The following CLASP1 variants were observed in gnomAD, a reference collection of about 807,000 sequenced individuals.
CLASP1 encodes the protein cytoplasmic linker associated protein 1.
CLASP1 carries 38 observed loss-of-function variants against 192.3 expected under a neutral mutation model. The ratio of observed to expected loss-of-function variants is 0.20; its 90% confidence interval spans 0.15 to 0.26. The LOEUF is 0.26. Among genes scored for constraint, CLASP1 ranks in the 10% least tolerant of loss-of-function variants. The pLI, the probability that CLASP1 is intolerant of heterozygous loss-of-function variation, is 1.00. For synonymous variants in CLASP1, 691 were observed against 712.8 expected (o/e 0.97, Z 0.49); for missense variants, 1,433 against 1,932.5 (o/e 0.74, Z 4.85).
intron 25 of CLASP1, among the ~76,000 whole-genome samples, chr2:121,406,917 A>G (rs1268466147): frequency 4.6e-5 from 7 of 152,054 alleles, no homozygotes; most frequent in Admixed American, 4.6e-4. Flanking sequence ...TTAATAAATT[A>G]TAGAATACTT....
Position 121,458,799 on chromosome 2 carries a change from T to TAC in CLASP1, c.1314+39_1314+40dup, listed in dbSNP as rs774333502. 2.0e-6 allele frequency: 3 copies of TAC among 1,470,830 alleles called. No homozygotes were observed. The Admixed American group carries it at 6.7e-5, about 33-fold the overall frequency. 91.1% of individuals were successfully genotyped at this position (1,470,830 alleles called of 1,614,324 possible). ...CTAATATTTATCAACCATCAGTATT[T>TAC]ACCACTTGCTTATTTCAAGCATGGC... On this transcript the variant is annotated intron_variant, in intron 13 of 39. Transcript: ENST00000263710.
chr2:121,366,344 G>C (rs933584177), intron 35 of CLASP1, among the ~76,000 whole-genome samples: 3 of 152,222 alleles, frequency 2.0e-5, no homozygotes, highest in Non-Finnish European at 4.4e-5. Context: ...TGTGTGGGCA[G>C]AGTCTGAGAT....
At chr2:121,456,727 G>C (rs543020469) in intron 14 of CLASP1, among the ~76,000 whole-genome samples, 5 of 152,090 alleles carry the variant, frequency 3.3e-5, no homozygotes, top group South Asian at 2.1e-4. Flanking sequence ...AACCCAGCAG[G>C]ATCAACAAGA....
chr2:121,435,608 G>C (rs58920576), intron 19 of CLASP1, among the ~76,000 whole-genome samples: 6,051 of 152,116 alleles, frequency 0.04, 163 homozygotes, highest in East Asian at 0.14. Context: ...CTTTTGTCTT[G>C]ATTTTTCATT....
intron 21 of CLASP1, among the ~76,000 whole-genome samples, chr2:121,427,003 T>G (rs1042686430): frequency 2.0e-5 from 3 of 151,810 alleles, no homozygotes; most frequent in African/African-American, 7.2e-5. Context: ...TAAATTTATA[T>G]GTGTGTTTAT....
intron 26 of CLASP1, chr2:121,402,675 AG>A (rs758260053): frequency 1.7e-5 from 9 of 518,732 alleles, no homozygotes; most frequent in African/African-American, 1.7e-4. Flanking sequence ...TAGGGGTGAC[AG>A]GTAACAGAAA....
chr2:121,615,916 T>C (rs896353722), intron 1 of CLASP1, among the ~76,000 whole-genome samples: 1 of 152,212 alleles, frequency 6.6e-6, no homozygotes, highest in Admixed American at 6.5e-5. Flanking sequence ...GCCCCAAAGT[T>C]TGTGTTCTTT....
intron 8 of CLASP1, among the ~76,000 whole-genome samples, chr2:121,486,448 C>A (rs962887185): frequency 3.3e-5 from 5 of 152,070 alleles, no homozygotes; most frequent in African/African-American, 1.2e-4. Context: ...ACCATATATC[C>A]TTTCATTGAT....
Position 121,605,940 on chromosome 2 carries a change from C to T in CLASP1, c.-45G>A. The T allele has an allele frequency of 1.3e-6, 2 of 1,564,260 alleles. No homozygotes were observed. Among genetic ancestry groups the T allele is most frequent in the South Asian group, 1.1e-5 (1 of 88,128 alleles). On this transcript the variant is annotated 5_prime_UTR_variant, in exon 2 of 40. It adds an upstream start codon to the 5' untranslated region. Coordinates refer to ENST00000263710, the Ensembl canonical transcript of CLASP1. Reference sequence around the variant, plus strand: ...TCCAGCAAAAGCTAGAGGGCAGTCACGATGACTCCCTCCCAGCAGACGTAT... The same window carrying T: ...TCCAGCAAAAGCTAGAGGGCAGTCATGATGACTCCCTCCCAGCAGACGTAT...
intron 2 of CLASP1, chr2:121,531,060 TAAAC>T: frequency 1.4e-6 from 1 of 696,316 alleles, no homozygotes; most frequent in Non-Finnish European, 2.6e-6. Flanking sequence ...AATTCGTAAA[TAAAC>T]TAGTACTTTG....
In CLASP1 at chr2:121,605,867, G is replaced by A. The variant is rs762154890; in HGVS notation, c.29C>T (p.Ala10Val). 23 of 1,613,776 alleles carry A rather than the reference G, an allele frequency of 1.4e-5. No individual in the cohort carries two copies. Among genetic ancestry groups the A allele is most frequent in the Admixed American group, 8.3e-5 (5 of 59,968 alleles). The change falls in exon 2 of 40, where the codon GCG becomes GTG. Residue 10 changes from alanine (A) to valine (V), a missense_variant. This residue lies in a region of CLASP1 where 282 missense variants were observed against 359.9 expected (regional missense o/e 0.78). Transcript: ENST00000263710. The stretch of plus-strand genomic sequence containing the variant: ...CCCCACATCCTTCTGCAACACCTGC[G>A]CCAGGCAGGACTCCATGCGAGGCTC...
chr2:121,619,198 A>AG (rs1461721968), intron 1 of CLASP1, among the ~76,000 whole-genome samples: 2 of 152,238 alleles, frequency 1.3e-5, no homozygotes, highest in Non-Finnish European at 1.5e-5. Flanking sequence ...TTAAAAAGGC[A>AG]GGTCACCTGA....
chr2:121,449,476 A>G (rs1218506633), intron 16 of CLASP1, among the ~76,000 whole-genome samples: 1 of 152,192 alleles, frequency 6.6e-6, no homozygotes, highest in Non-Finnish European at 1.5e-5. Flanking sequence ...GCTATTATAC[A>G]TGCAATTTTA....
chr2:121,555,101 C>T (rs910473092), intron 2 of CLASP1, among the ~76,000 whole-genome samples: 4 of 152,190 alleles, frequency 2.6e-5, no homozygotes, highest in Non-Finnish European at 5.9e-5. Context: ...GACCCAGAGT[C>T]CTAATGGAGT....
chr2:121,495,112 G>A (rs897731391), intron 8 of CLASP1, among the ~76,000 whole-genome samples: 54 of 151,852 alleles, frequency 3.6e-4, no homozygotes, highest in African/African-American at 1.2e-3. Context: ...CACAAGGTCA[G>A]GAGATAGAGA....
rs181294523 is a variant in CLASP1 at position 121,560,798 on chromosome 2, G to A, written c.196-30473C>T. Among the ~76,000 whole-genome samples, 326 of 152,326 alleles carry A rather than the reference G, an allele frequency of 2.1e-3. 1 individual carries two copies. Among genetic ancestry groups the A allele is most frequent in the African/African-American group, 7.1e-3 (297 of 41,566 alleles). ...CGCCCAAGCTAGAGTGCAGTGGCGCGATCTCAGCTCACCACAACCTCTGCC... is the reference window on the plus strand; with the variant it reads ...CGCCCAAGCTAGAGTGCAGTGGCGCAATCTCAGCTCACCACAACCTCTGCC... On this transcript the variant is annotated intron_variant, in intron 2 of 39. Coordinates refer to ENST00000263710, the Ensembl canonical transcript of CLASP1.
chr2:121,473,878 A>G (rs537097643), intron 8 of CLASP1, among the ~76,000 whole-genome samples: 150 of 152,016 alleles, frequency 9.9e-4, no homozygotes, highest in Non-Finnish European at 1.7e-3. Flanking sequence ...GAATAAAGGC[A>G]AAATAAAAAC....
chr2:121,396,971 C>A (rs772383132), intron 30 of CLASP1, among the ~76,000 whole-genome samples, 169 bp downstream of exon 31: 43 of 152,304 alleles, frequency 2.8e-4, no homozygotes, highest in Non-Finnish European at 3.5e-4. Context: ...TTCAGATTTT[C>A]ATTTTTATAT....
In CLASP1 at chr2:121,471,561, T is replaced by C. The variant is rs751701505; in HGVS notation, c.713-1601A>G. ...TCCTGTTTTCCTTGATCTAGTTGCT[T>C]CTTAAGCTAAATTATCAACAGCCAA... On this transcript the variant is annotated intron_variant, in intron 8 of 39. Coordinates refer to ENST00000263710, the Ensembl canonical transcript of CLASP1. 4.7e-4 allele frequency among the ~76,000 whole-genome samples: 71 copies of C among 152,134 alleles called. No homozygotes were observed. The Middle Eastern group carries it at 0.014, about 29-fold the overall frequency.
Sources: allele counts gnomAD v4.1 joint callset (sites outside exome capture counted in the v4.1 genomes callset), GRCh38; gene constraint gnomAD v4.1.1; regional missense constraint gnomAD v4.1.1; transcripts MANE v1.5; gene names NCBI Gene and HGNC (gene_info 2026-07-23, HGNC 2026-07-21).